Variants in DVL2 observed in about 807,000 individuals in gnomAD.
DVL2 encodes the protein segment polarity protein dishevelled homolog DVL-2.
A neutral mutation model predicts 69.8 loss-of-function variants in DVL2; 38 were observed. The ratio of observed to expected loss-of-function variants is 0.54; its 90% CI spans 0.42 to 0.71. The LOEUF is 0.71. Among genes scored for constraint, DVL2 ranks in the 30% least tolerant of loss-of-function variants. The pLI is 0.00. For synonymous variants in DVL2, 428 were observed against 392.4 expected (o/e 1.09, Z -1.07); for missense variants, 931 against 1,008.1 (o/e 0.92, Z 1.04).
At position 7,229,031 on chromosome 17, in the gene DVL2, G is replaced by A; in HGVS notation, c.972C>T (p.Asn324=). 6.2e-7 allele frequency: 1 copy of A among 1,614,148 alleles called. No homozygotes were observed. Among genetic ancestry groups the A allele is most frequent in the Non-Finnish European group, 8.5e-7 (1 of 1,180,028 alleles). The change falls in exon 9 of 15, where the codon AAC becomes AAT. Residue 324 remains asparagine (N), a synonymous_variant. Coordinates refer to ENST00000005340, the MANE Select transcript of DVL2 (RefSeq NM_004422.3). This position sits in a 1 kb window ranked among gnomAD's most constrained non-coding sequence, Gnocchi z 4.4. ...CGTCATCGTTGCTCATGTTCTCAAA[G>A]TTCATGTCATTCACCTGGAAGCGAC... The part of the protein sequence containing the change: ...GDMLLQVNDM[N]FENMSNDDAV...
At position 7,226,656 on chromosome 17, in the gene DVL2, GA is replaced by G; in HGVS notation, c.1544-18del. On this transcript the variant is annotated intron_variant, in intron 13 of 14. Coordinates refer to ENST00000005340, the MANE Select transcript of DVL2 (RefSeq NM_004422.3). The stretch of plus-strand genomic sequence containing the variant: ...TGACTAGGTCTGGAAAGCAAGGGAA[GA>G]GAGGAAGAAATCACTGCTTCAAGAG... 1.3e-6 allele frequency: 2 copies of G among 1,499,176 alleles called. No individual in the cohort carries two copies. Among genetic ancestry groups the G allele is most frequent in the Non-Finnish European group, 1.8e-6 (2 of 1,124,666 alleles). 92.9% of individuals were successfully genotyped at this position (1,499,176 alleles called of 1,614,324 possible).
rs2071516137 is a variant in DVL2, at chr17:7,229,916, G to A, written c.548C>T (p.Ser183Leu). The A allele has an allele frequency of 3.7e-6, 6 of 1,609,208 alleles. No homozygotes were observed. Among genetic ancestry groups the A allele is most frequent in the Non-Finnish European group, 5.1e-6 (6 of 1,179,862 alleles). Residue 183 changes from serine to leucine, a missense_variant, in exon 5 of 15, where the codon TCA (serine) becomes TTA (leucine). Coordinates refer to ENST00000005340, the MANE Select transcript of DVL2 (RefSeq NM_004422.3). This position sits in a 1 kb window ranked among gnomAD's most constrained non-coding sequence, Gnocchi z 4.4. Reference protein sequence around the residue: ...GAGGHRTGGPSRLERHLAGYE... With the variant: ...GAGGHRTGGPLRLERHLAGYE... ...TCCGGCCAGGTGGCGCTCCAGCCTT[G>A]AGGGGCCACCAGTCCTGTGGCCCCC...
intron 9 of DVL2, 79 bp downstream of exon 9, chr17:7,228,890 A>G: frequency 6.8e-7 from 1 of 1,466,732 alleles, no homozygotes; most frequent in Non-Finnish European, 9.5e-7. Flanking sequence ...CTGTCTTAGT[A>G]CTTATTAAAA....
chr17:7,227,831 C>A, intron 10 of DVL2, 48 bp from the exon 11 acceptor site: 1 of 1,556,162 alleles, frequency 6.4e-7, no homozygotes, highest in Non-Finnish European at 8.7e-7. Flanking sequence ...TCCCCAAAAG[C>A]CAGCCCAGTC....
intron 9 of DVL2, chr17:7,228,358 G>A (rs1003211005): frequency 9.4e-6 from 2 of 211,782 alleles, no homozygotes; most frequent in African/African-American, 2.3e-5. Flanking sequence ...TATCCAGTGA[G>A]GCAAAGCTTT....
In DVL2 at chr17:7,226,405, T is replaced by A. The variant is rs377522537; in HGVS notation, c.1762+16A>T. ...CCCTCAGATCCTGGCCGTACAGGTATGTGGGGATGACTTACCCTCACTATG... is the reference window on the plus strand; with the variant it reads ...CCCTCAGATCCTGGCCGTACAGGTAAGTGGGGATGACTTACCCTCACTATG... On this transcript the variant is annotated intron_variant, in intron 14 of 14. Transcript: ENST00000005340. 41 of 1,531,420 alleles carry A rather than the reference T, an allele frequency of 2.7e-5. 1 individual carries two copies. The East Asian group carries it at 3.2e-4, about 12-fold the overall frequency. The allele number at this position is 1,531,420 out of a possible 1,614,324, so 94.9% of individuals were successfully genotyped here.
rs1295860336 is a variant in DVL2 at position 7,226,092 on chromosome 17, G to A, written c.1984C>T (p.Pro662Ser). The A allele has an allele frequency of 6.3e-7, 1 of 1,593,660 alleles. No individual in the cohort carries two copies. Among genetic ancestry groups the A allele is most frequent in the South Asian group, 1.1e-5 (1 of 88,976 alleles). Reference sequence around the variant, plus strand: ...GGCGGTCCATAGGGATGGAGCCCTGGGTGGGCTCGGAGATTAGGGGCACCC... The same window carrying A: ...GGCGGTCCATAGGGATGGAGCCCTGAGTGGGCTCGGAGATTAGGGGCACCC... ...TGGAPNLRAHPGLHPYGPPPG... is the reference protein window; with the variant it reads ...TGGAPNLRAHSGLHPYGPPPG... The change falls in exon 15 of 15, where the codon CCA (proline) becomes TCA (serine). Residue 662 changes from proline (P) to serine (S), a missense_variant. Pro to Ser is a moderately conservative substitution (Grantham distance 74). Coordinates refer to ENST00000005340, the MANE Select transcript of DVL2 (RefSeq NM_004422.3).
Position 7,227,087 on chromosome 17 carries a change from T to A in DVL2, c.1543+3A>T. 1 of 1,605,382 alleles carries A rather than the reference T, an allele frequency of 6.2e-7. No individual in the cohort carries two copies. The highest frequency in any genetic ancestry group is 1.3e-5 in the African/African-American group (1 of 74,844). On this transcript the variant is annotated splice_donor_region_variant and intron_variant, in intron 13 of 14. Coordinates refer to ENST00000005340, the MANE Select transcript of DVL2 (RefSeq NM_004422.3). ...CTCCCAGAGTTGGGGCAGGGGGACT[T>A]ACAGCTCTCACAGCCACCACTGAGG...
intron 1 of DVL2, chr17:7,233,815 A>G (rs1216273843): frequency 1.8e-6 from 1 of 570,646 alleles, no homozygotes; most frequent in Non-Finnish European, 3.1e-6. Flanking sequence ...ATAAACCAGT[A>G]TGCCCCCACC....
Position 7,228,936 on chromosome 17 carries a change from G to T in DVL2, c.1034+33C>A. On this transcript the variant is annotated intron_variant, in intron 9 of 14. Transcript: ENST00000005340. Reference sequence around the variant, plus strand: ...AAACATGAAAGAGAAAAAAAAAGAGGACTGAGGACCGGCAACCTGCTTGGC... The same window carrying T: ...AAACATGAAAGAGAAAAAAAAAGAGTACTGAGGACCGGCAACCTGCTTGGC... 1.9e-6 allele frequency: 3 copies of T among 1,603,016 alleles called. No individual in the cohort carries two copies. In the South Asian group the frequency reaches 3.3e-5, roughly 18 times the overall value.
Position 7,229,623 on chromosome 17 carries a change from G to A in DVL2, c.712C>T (p.Arg238Trp), listed in dbSNP as rs772812566. 12 of 1,551,940 alleles carry A rather than the reference G, an allele frequency of 7.7e-6. No homozygotes were observed. Among genetic ancestry groups the A allele is most frequent in the South Asian group, 2.5e-5 (2 of 80,234 alleles). ...SASRLLKRHR[R>W]RRKQRPPRLE... ...CGGGGTGGCCTCTGCTTCCTTCGCC[G>A]CCGGTGGCGCTTAAGGAGGCGGGAG... The change falls in exon 6 of 15, where the codon CGG becomes TGG. Residue 238 changes from arginine to tryptophan, a missense_variant. Physicochemically the swap from Arg to Trp is moderately radical, Grantham distance 101. Coordinates refer to ENST00000005340, the MANE Select transcript of DVL2 (RefSeq NM_004422.3). This position sits in a 1 kb window ranked among gnomAD's most constrained non-coding sequence, Gnocchi z 4.4.
At position 7,226,459 on chromosome 17, in the gene DVL2, G is replaced by A. The variant is rs747066639; in HGVS notation, c.1724C>T (p.Thr575Ile). Residue 575 changes from threonine to isoleucine, a missense_variant, in exon 14 of 15, where the codon ACC becomes ATC. By Grantham distance (89) the Thr-to-Ile change is moderately conservative. Around this residue, in one of 3 missense-constraint regions of DVL2, gnomAD observed 314 missense variants for 313.7 expected, o/e 1.00. Coordinates refer to ENST00000005340, the MANE Select transcript of DVL2 (RefSeq NM_004422.3). ...PPPYHELSSY[T>I]YGGGSASSQH... ...GCTGCTGGCACTGCCCCCACCATAGGTGTAAGATGAAAGCTCATGGTAGGG... is the reference window on the plus strand; with the variant it reads ...GCTGCTGGCACTGCCCCCACCATAGATGTAAGATGAAAGCTCATGGTAGGG... 3.9e-6 allele frequency: 6 copies of A among 1,556,362 alleles called. No individual in the cohort carries two copies. The highest frequency in any genetic ancestry group is 4.5e-5 in the East Asian group (2 of 44,370).
At chr17:7,228,326 GGA>G (rs2071489677) in intron 9 of DVL2, 1 of 281,568 alleles carries the variant, frequency 3.6e-6, no homozygotes, top group Admixed American at 4.8e-5. Flanking sequence ...CAGTGTTCAA[GGA>G]TACGTGCAAG....
intron 1 of DVL2, 118 bp downstream of exon 1, chr17:7,233,951 T>A (rs776542099): frequency 8.1e-5 from 89 of 1,098,224 alleles, no homozygotes; most frequent in Non-Finnish European, 1.1e-4. Context: ...CATAGTACAA[T>A]CTGCTCCACC....
rs144560226 is a variant in DVL2, at chr17:7,234,140, G to A, written c.123C>T (p.Gly41=). 2 of 1,614,184 alleles carry A rather than the reference G, an allele frequency of 1.2e-6. No homozygotes were observed. Among genetic ancestry groups the A allele is most frequent in the Admixed American group, 1.7e-5 (1 of 60,034 alleles). Residue 41 remains glycine, a synonymous_variant, in exon 1 of 15, where the codon GGC becomes GGT. Transcript: ENST00000005340. ...IPVPAERITL[G]DFKSVLQRPA... ...GCCGCTGCAGGACGCTCTTGAAATC[G>A]CCGAGGGTGATGCGCTCGGCGGGGA...
At chr17:7,228,880 C>T (rs983818274) in intron 9 of DVL2, 89 bp downstream of exon 9, 1 of 1,378,362 alleles carries the variant, frequency 7.3e-7, no homozygotes, top group Non-Finnish European at 1.0e-6. Context: ...CCACGCCCGG[C>T]TGTCTTAGTA....
At position 7,226,472 on chromosome 17, in the gene DVL2, G is replaced by C; in HGVS notation, c.1711C>G (p.Leu571Val). The change falls in exon 14 of 15, where the codon CTT (leucine) becomes GTT (valine). Residue 571 changes from leucine to valine, a missense_variant. By Grantham distance (32) the Leu-to-Val change is conservative. Transcript: ENST00000005340. ...CCCCCACCATAGGTGTAAGATGAAA[G>C]CTCATGGTAGGGTGGAGGCTGCGGG... ...YSPQPPPYHE[L>V]SSYTYGGGSA... 6.4e-7 allele frequency: 1 copy of C among 1,563,602 alleles called. No individual in the cohort carries two copies. The highest frequency in any genetic ancestry group is 1.2e-5 in the South Asian group (1 of 83,512).
rs1278159184 is a variant in DVL2 at position 7,227,426 on chromosome 17, G to C, written c.1341C>G (p.Ile447Met). 1.2e-6 allele frequency: 2 copies of C among 1,614,206 alleles called. No individual in the cohort carries two copies. Among genetic ancestry groups the C allele is most frequent in the South Asian group, 1.1e-5 (1 of 91,086 alleles). The change falls in exon 12 of 15, where the codon ATC becomes ATG. Residue 447 changes from isoleucine to methionine, a missense_variant. Around this residue, in one of 3 missense-constraint regions of DVL2, gnomAD observed 62 missense variants for 105.7 expected, o/e 0.59. Coordinates refer to ENST00000005340, the MANE Select transcript of DVL2 (RefSeq NM_004422.3). Reference protein sequence around the residue: ...LEVRDRMWLKITIPNAFLGSD... With the variant: ...LEVRDRMWLKMTIPNAFLGSD... ...TACCCAGAAAGGCATTAGGGATGGT[G>C]ATCTTGAGCCACATGCGGTCCCGGA...
At chr17:7,230,999 C>T (rs911334188) in intron 1 of DVL2, among the ~76,000 whole-genome samples, 1 of 152,214 alleles carries the variant, frequency 6.6e-6, no homozygotes, top group Admixed American at 6.5e-5. Context: ...TTCTCCTCTC[C>T]CTAACGCACC....
Sources: gnomAD v4.1 joint callset for allele counts (sites outside exome capture counted in the v4.1 genomes callset) on GRCh38, gnomAD v4.1.1 for gene constraint, gnomAD v4.1.1 regional missense constraint, Gnocchi (gnomAD v3.1) non-coding constraint, MANE v1.5 for transcripts, NCBI Gene and HGNC (gene_info 2026-07-23, HGNC 2026-07-21) for gene names.